DLGAP2: variants seen among roughly 807,000 people sequenced by gnomAD.
DLGAP2 encodes disks large-associated protein 2.
In DLGAP2, 26 loss-of-function variants were observed where a neutral mutation model predicts 100.3. The observed-to-expected ratio is 0.26, with a 90% confidence interval of 0.19 to 0.36. The LOEUF is 0.36. Among genes scored for constraint, DLGAP2 ranks in the 10% least tolerant of loss-of-function variants. The probability of loss-of-function intolerance (pLI) is 1.00; values close to 1 mark genes in which losing one functional copy is unlikely to be tolerated. For synonymous variants in DLGAP2, 886 were observed against 630.1 expected, an observed-to-expected ratio of 1.41 and a Z score of -6.08; for missense variants, 1,858 against 1,453.2, an observed-to-expected ratio of 1.28 and a Z score of -4.53.
At position 1,179,509 on chromosome 8, in the gene DLGAP2, G is replaced by T. The variant is rs1301725670; in HGVS notation, c.74-79342G>T. 4.6e-5 allele frequency among the ~76,000 whole-genome samples: 7 copies of T among 152,384 alleles called. No individual in the cohort carries two copies. In the East Asian group the frequency reaches 1.2e-3, roughly 25 times the overall value. Reference sequence around the variant, plus strand: ...AGACGTGGCTGCCCCACAGGCACCTGGCTGCTGGGATGAGGCTTCCACCTC... The same window carrying T: ...AGACGTGGCTGCCCCACAGGCACCTTGCTGCTGGGATGAGGCTTCCACCTC... On this transcript the variant is annotated intron_variant, in intron 2 of 14. Coordinates refer to ENST00000637795, the MANE Select transcript of DLGAP2 (RefSeq NM_001346810.2).
At chr8:1,061,268 A>T (rs1476980547) in intron 2 of DLGAP2, among the ~76,000 whole-genome samples, 1 of 152,142 alleles carries the variant, frequency 6.6e-6, no homozygotes, top group South Asian at 2.1e-4. Flanking sequence ...AGAAGATTTT[A>T]TGATGAAAAT....
chr8:823,827 G>A (rs934684417), intron 1 of DLGAP2, among the ~76,000 whole-genome samples: 5 of 152,204 alleles, frequency 3.3e-5, no homozygotes, highest in Admixed American at 2.6e-4. Context: ...GGACGGGGGA[G>A]GTCAAGAGTC....
intron 2 of DLGAP2, chr8:1,018,770 T>G (rs954707448): frequency 3.3e-5 from 5 of 152,254 alleles, no homozygotes; most frequent in African/African-American, 1.2e-4. Flanking sequence ...CAGCAGTCAC[T>G]TTAACTAAAA....
chr8:1,665,366 C>G (rs1798517515), intron 8 of DLGAP2, among the ~76,000 whole-genome samples: 1 of 152,224 alleles, frequency 6.6e-6, no homozygotes, highest in African/African-American at 2.4e-5. Context: ...GGGCAGGTCA[C>G]TAACTGATTA....
At chr8:1,251,415 G>T (rs1799037794) in intron 2 of DLGAP2, among the ~76,000 whole-genome samples, 1 of 152,188 alleles carries the variant, frequency 6.6e-6, no homozygotes, top group African/African-American at 2.4e-5. Flanking sequence ...GAGCAGATAA[G>T]ATTCCATAGC....
At chr8:1,455,299 G>T (rs1798279027) in intron 3 of DLGAP2, among the ~76,000 whole-genome samples, 1 of 152,238 alleles carries the variant, frequency 6.6e-6, no homozygotes, top group Non-Finnish European at 1.5e-5. Context: ...CTGGGGCAGG[G>T]CCCCTCTGGA....
intron 2 of DLGAP2, among the ~76,000 whole-genome samples, chr8:1,140,842 A>G (rs1196342012): frequency 6.6e-6 from 1 of 152,162 alleles, no homozygotes; most frequent in Admixed American, 6.5e-5. Context: ...GCGTGGTGGC[A>G]TATGCCTGTA....
chr8:1,617,039 C>G (rs1797177977), intron 6 of DLGAP2, among the ~76,000 whole-genome samples: 1 of 152,170 alleles, frequency 6.6e-6, no homozygotes, highest in East Asian at 1.9e-4. Flanking sequence ...CCAGCTCCAT[C>G]CATGTTGCTG....
At chr8:1,079,672 C>G (rs1459990178) in intron 2 of DLGAP2, among the ~76,000 whole-genome samples, 2 of 152,088 alleles carry the variant, frequency 1.3e-5, no homozygotes, top group Non-Finnish European at 2.9e-5. Context: ...GACACAGAGA[C>G]AATTAAAATA....
At chr8:1,329,689 G>A (rs35243186) in intron 3 of DLGAP2, among the ~76,000 whole-genome samples, 137 of 152,304 alleles carry the variant, frequency 9.0e-4, no homozygotes, top group South Asian at 3.3e-3. Flanking sequence ...GGGGGTGAAT[G>A]AAGATGAGCC....
intron 3 of DLGAP2, among the ~76,000 whole-genome samples, chr8:1,380,614 C>T (rs1179889134): frequency 5.3e-5 from 8 of 152,074 alleles, no homozygotes; most frequent in Non-Finnish European, 7.4e-5. Flanking sequence ...CATGAACACC[C>T]GACCACATCT....
chr8:1,601,945 G>GGGGTGTGTGT (rs1554506577), intron 6 of DLGAP2, among the ~76,000 whole-genome samples: 2 of 146,348 alleles, frequency 1.4e-5, no homozygotes, highest in Admixed American at 6.8e-5. Context: ...AATTTAACAG[G>GGGGTGTGTGT]GTGTGTGTGT....
In DLGAP2 at chr8:1,682,204, C is replaced by T. The variant is rs558690975; in HGVS notation, c.2704+3575C>T. ...TGTGGTCCACAGAGTCCCTCAGCTG[C>T]GAAGACAGAGGCCAAGGTTCTCCCG... On this transcript the variant is annotated intron_variant, in intron 12 of 14. Coordinates refer to ENST00000637795, the MANE Select transcript of DLGAP2 (RefSeq NM_001346810.2). 5.1e-4 allele frequency among the ~76,000 whole-genome samples: 78 copies of T among 152,240 alleles called. 2 individuals carry two copies. Among genetic ancestry groups the T allele is most frequent in the Admixed American group, 2.4e-3 (37 of 15,294 alleles).
Position 1,698,672 on chromosome 8 carries a change from G to C in DLGAP2, c.2949+1373G>C, listed in dbSNP as rs201773756. On this transcript the variant is annotated intron_variant, in intron 14 of 14. Transcript: ENST00000637795. ...AGTAAGCCATGCGTGGGACAGGTCAGTGTAAGCCATGCATGGGACTAGGCA... is the reference window on the plus strand; with the variant it reads ...AGTAAGCCATGCGTGGGACAGGTCACTGTAAGCCATGCATGGGACTAGGCA... Among the ~76,000 whole-genome samples, 26 of 28,362 alleles carry C rather than the reference G, an allele frequency of 9.2e-4. No individual in the cohort carries two copies. In the East Asian group the frequency reaches 0.037, roughly 41 times the overall value. The allele number at this position is 28,362 out of a possible 152,430, so 18.6% of individuals were successfully genotyped here. A position where few individuals can be genotyped will look rare whatever the true frequency, so the allele number is the denominator to read the frequency against.
chr8:1,071,631 G>A (rs1330354382), intron 2 of DLGAP2, among the ~76,000 whole-genome samples: 2 of 152,072 alleles, frequency 1.3e-5, no homozygotes, highest in African/African-American at 4.8e-5. Context: ...GGTTCATTTA[G>A]TGATACCGAT....
rs538570544 is a variant in DLGAP2 at position 1,272,081 on chromosome 8, G to T, written c.106+13198G>T. Among the ~76,000 whole-genome samples, 200 of 152,270 alleles carry T rather than the reference G, an allele frequency of 1.3e-3. 1 individual carries two copies. Among genetic ancestry groups the T allele is most frequent in the Non-Finnish European group, 6.3e-4 (43 of 68,034 alleles). On this transcript the variant is annotated intron_variant, in intron 3 of 14. Transcript: ENST00000637795. The stretch of plus-strand genomic sequence containing the variant: ...TCCGCCTGCCTCAGGCTCCCAAAAT[G>T]CTGGAATTACAGGCATGAGCAACCA...
chr8:1,063,397 A>G (rs1256543116), intron 2 of DLGAP2, among the ~76,000 whole-genome samples: 1 of 152,208 alleles, frequency 6.6e-6, no homozygotes, highest in Non-Finnish European at 1.5e-5. Context: ...TGTACCGTCC[A>G]CAAAGGGCCT....
chr8:1,229,393 G>A (rs368356209), intron 2 of DLGAP2, among the ~76,000 whole-genome samples: 29 of 152,026 alleles, frequency 1.9e-4, no homozygotes, highest in African/African-American at 7.0e-4. Context: ...TACCAATTCA[G>A]TTTTGGAACT....
At chr8:1,225,914 A>G (rs1304737870) in intron 2 of DLGAP2, among the ~76,000 whole-genome samples, 1 of 152,210 alleles carries the variant, frequency 6.6e-6, no homozygotes, top group African/African-American at 2.4e-5. Context: ...ATATCAAAAC[A>G]TCATGCTGTA....
Sources: gnomAD v4.1 joint callset for allele counts (sites outside exome capture counted in the v4.1 genomes callset) on GRCh38, gnomAD v4.1.1 for gene constraint, MANE v1.5 for transcripts, NCBI Gene and HGNC (gene_info 2026-07-23, HGNC 2026-07-21) for gene names.